ZHX3: variants seen among roughly 807,000 people sequenced by gnomAD.
ZHX3 encodes zinc fingers and homeoboxes protein 3.
In ZHX3, 20 loss-of-function variants were observed where a neutral mutation model predicts 64.5. The observed-to-expected ratio is 0.31, with a 90% confidence interval of 0.22 to 0.45. The LOEUF is 0.45. Ranked by LOEUF, ZHX3 falls within the 20% of genes least tolerant of loss-of-function variation. The pLI, the probability that ZHX3 is intolerant of heterozygous loss-of-function variation, is 1.00. For synonymous variants in ZHX3, 423 were observed against 461.6 expected, an observed-to-expected ratio of 0.92 and a Z score of 1.07; for missense variants, 1,041 against 1,195.8, an observed-to-expected ratio of 0.87 and a Z score of 1.91.
chr20:41,199,644 T>C (rs1457234916), intron 3 of ZHX3, among the ~76,000 whole-genome samples: 2 of 151,772 alleles, frequency 1.3e-5, no homozygotes, highest in Admixed American at 6.6e-5. Flanking sequence ...GAGACAATGA[T>C]CAGCCTCTGC....
At chr20:41,233,178 G>C (rs936664387) in intron 2 of ZHX3, among the ~76,000 whole-genome samples, 2 of 152,212 alleles carry the variant, frequency 1.3e-5, no homozygotes, top group Admixed American at 1.3e-4. Context: ...GCTGAGACAT[G>C]ATAACATCTG....
intron 1 of ZHX3, among the ~76,000 whole-genome samples, chr20:41,314,415 AGC>A (rs1487138291): frequency 1.3e-5 from 2 of 152,226 alleles, no homozygotes; most frequent in African/African-American, 2.4e-5. Context: ...AATATGTAAC[AGC>A]TATTCCCCAA....
At chr20:41,277,848 C>T (rs1255494453) in intron 1 of ZHX3, among the ~76,000 whole-genome samples, 6 of 137,518 alleles carry the variant, frequency 4.4e-5, no homozygotes, top group African/African-American at 1.6e-4. Flanking sequence ...GCCTCGGCCT[C>T]CCAAAGTGCT....
intron 3 of ZHX3, among the ~76,000 whole-genome samples, chr20:41,194,334 G>T (rs1046122603): frequency 3.9e-5 from 6 of 152,116 alleles, no homozygotes; most frequent in African/African-American, 1.4e-4. Context: ...GAATTAGGAT[G>T]ATGTGTTTTA....
At chr20:41,225,685 G>A (rs1328039524) in intron 2 of ZHX3, among the ~76,000 whole-genome samples, 3 of 151,974 alleles carry the variant, frequency 2.0e-5, no homozygotes, top group Non-Finnish European at 2.9e-5. Flanking sequence ...ACAGGGTTTC[G>A]CCATGTTGGC....
chr20:41,302,362 C>T (rs2044848542), intron 1 of ZHX3, among the ~76,000 whole-genome samples: 1 of 152,216 alleles, frequency 6.6e-6, no homozygotes, highest in Non-Finnish European at 1.5e-5. Context: ...GGTGTACTAA[C>T]ACCCCAGTTC....
intron 2 of ZHX3, chr20:41,213,917 T>G (rs1257326456): frequency 6.6e-6 from 1 of 151,908 alleles, no homozygotes; most frequent in Non-Finnish European, 1.5e-5. Flanking sequence ...ACATAGAAAT[T>G]GTAAAAAATT....
chr20:41,303,686 T>C (rs1314367442), intron 1 of ZHX3, among the ~76,000 whole-genome samples: 1 of 152,170 alleles, frequency 6.6e-6, no homozygotes, highest in Admixed American at 6.5e-5. Context: ...TGCCCCTCCA[T>C]CCACAGAAGA....
At chr20:41,238,992 CTTTTTTTTTT>C (rs36076017) in intron 2 of ZHX3, among the ~76,000 whole-genome samples, 3 of 86,300 alleles carry the variant, frequency 3.5e-5, no homozygotes, top group African/African-American at 1.0e-4. Flanking sequence ...TTTTCTCTCT[CTTTTTTTTTT>C]TTTTTTTTTT....
In ZHX3 at chr20:41,202,653, T is replaced by A. The variant is rs1478701616; in HGVS notation, c.2264A>T (p.Glu755Val). Residue 755 changes from glutamate to valine, a missense_variant, in exon 3 of 4, where the codon GAG (glutamate) becomes GTG (valine). Coordinates refer to ENST00000683867, the MANE Select transcript of ZHX3 (RefSeq NM_001384317.1). This position sits in a 1 kb window ranked among gnomAD's most constrained non-coding sequence, Gnocchi z 7.0. ...GLGACDPEDD[E>V]SNKLAEQLPG... ...GAGCTGCTCTGCCAGTTTGTTTGAC[T>A]CATCATCCTCAGGGTCACAGGCACC... The A allele has an allele frequency of 4.3e-6, 7 of 1,613,902 alleles. No homozygotes were observed. Among genetic ancestry groups the A allele is most frequent in the Non-Finnish European group, 5.9e-6 (7 of 1,180,016 alleles).
intron 1 of ZHX3, among the ~76,000 whole-genome samples, chr20:41,273,000 C>T (rs1210595946): frequency 6.6e-6 from 1 of 152,130 alleles, no homozygotes; most frequent in East Asian, 1.9e-4. Context: ...CAGCAAAGTA[C>T]AAGGTTCTAA....
intron 2 of ZHX3, among the ~76,000 whole-genome samples, chr20:41,258,780 T>C (rs377030151): frequency 1.3e-5 from 2 of 152,298 alleles, no homozygotes; most frequent in South Asian, 2.1e-4. Flanking sequence ...TATGACCTCT[T>C]TCTTTATAGT....
chr20:41,238,110 G>A lies in ZHX3; in HGVS notation c.-151+30880C>T, dbSNP rs75179876. 4.3e-3 allele frequency among the ~76,000 whole-genome samples: 661 copies of A among 152,222 alleles called. 32 individuals carry two copies. The East Asian group carries it at 0.091, about 21-fold the overall frequency. On this transcript the variant is annotated intron_variant, in intron 2 of 3. Transcript: ENST00000683867. The stretch of plus-strand genomic sequence containing the variant: ...AGTTGCTTGCTTACTACCAAAAACC[G>A]GGGTCAATCATTATAAGCATTCCCA...
Position 41,185,432 on chromosome 20 carries a change from CCCTGCTA to C in ZHX3, c.2861-238_2861-232del. 1 of 600,378 alleles carries C rather than the reference CCCTGCTA, an allele frequency of 1.7e-6. No individual in the cohort carries two copies. Among genetic ancestry groups the C allele is most frequent in the African/African-American group, 1.9e-5 (1 of 53,868 alleles). The allele number at this position is 600,378 out of a possible 1,614,324, so 37.2% of individuals were successfully genotyped here. ...TAAGGCCATCAGACTCTCTGAGAGA[CCCTGCTA>C]AACCCTAGGCCTAGCAGCAGGAGCA... On this transcript the variant is annotated intron_variant, in intron 3 of 3. Transcript: ENST00000683867. The surrounding 1 kb of genome is among the most constrained non-coding windows in gnomAD (Gnocchi z 5.0).
At chr20:41,290,050 G>T (rs1245248181) in intron 1 of ZHX3, among the ~76,000 whole-genome samples, 1 of 152,178 alleles carries the variant, frequency 6.6e-6, no homozygotes, top group Non-Finnish European at 1.5e-5. Context: ...CATTATGGTT[G>T]TTAGAAAATC....
At chr20:41,265,145 A>G (rs556542886) in intron 2 of ZHX3, among the ~76,000 whole-genome samples, 55 of 152,314 alleles carry the variant, frequency 3.6e-4, no homozygotes, top group Non-Finnish European at 6.8e-4. Flanking sequence ...TTTAAAAAAT[A>G]TAACACCATT....
At position 41,195,056 on chromosome 20, in the gene ZHX3, T is replaced by C. The variant is rs2037369912; in HGVS notation, c.2860+7001A>G. The stretch of plus-strand genomic sequence containing the variant: ...TTTATTTCCTTCCTTCTGGTAACTT[T>C]GGGTTTCATTTGCTCTTTTCTAGTT... On this transcript the variant is annotated intron_variant, in intron 3 of 3. Coordinates refer to ENST00000683867, the MANE Select transcript of ZHX3 (RefSeq NM_001384317.1). The surrounding 1 kb of genome is among the most constrained non-coding windows in gnomAD (Gnocchi z 4.2). Among the ~76,000 whole-genome samples, 1 of 152,178 alleles carries C rather than the reference T, an allele frequency of 6.6e-6. No individual in the cohort carries two copies.
rs929083674 is a variant in ZHX3, at chr20:41,201,068, T to C, written c.2860+989A>G. Among the ~76,000 whole-genome samples, 30 of 152,200 alleles carry C rather than the reference T, an allele frequency of 2.0e-4. No individual in the cohort carries two copies. Among genetic ancestry groups the C allele is most frequent in the African/African-American group, 7.0e-4 (29 of 41,462 alleles). On this transcript the variant is annotated intron_variant, in intron 3 of 3. Transcript: ENST00000683867. The surrounding 1 kb of genome is among the most constrained non-coding windows in gnomAD (Gnocchi z 5.0). ...GAAATTCTGTGGGATTTCTGAGGGA[T>C]AGGCCACTATGGTTGGCCCTGGGGA...
chr20:41,289,834 T>C (rs17266604), intron 1 of ZHX3, among the ~76,000 whole-genome samples: 10,773 of 151,552 alleles, frequency 0.071, 408 homozygotes, highest in Middle Eastern at 0.17. Flanking sequence ...TGACAAATAG[T>C]AGGTGGTCAA....
Sources: allele counts gnomAD v4.1 joint callset (sites outside exome capture counted in the v4.1 genomes callset), GRCh38; gene constraint gnomAD v4.1.1; non-coding constraint Gnocchi (gnomAD v3.1); transcripts MANE v1.5; gene names NCBI Gene and HGNC (gene_info 2026-07-23, HGNC 2026-07-21).